The following RUVBL1 variants were observed in gnomAD, a reference collection of about 807,000 sequenced individuals.
The protein encoded by RUVBL1 is RuvB like AAA ATPase 1, also known as ruvB-like 1.
Under a neutral mutation model 52.4 loss-of-function variants are expected in RUVBL1, and 4 were observed. The observed-to-expected ratio is 0.08, with a 90% CI of 0.04 to 0.17. The LOEUF is 0.17. Among genes scored for constraint, RUVBL1 ranks in the 10% least tolerant of loss-of-function variants. The pLI is 1.00. For missense variants in RUVBL1, 298 were observed against 572.8 expected (o/e 0.52, Z 4.90); for synonymous variants, 217 against 214.4 (o/e 1.01, Z -0.10).
intron 8 of RUVBL1, among the ~76,000 whole-genome samples, chr3:128,093,190 A>G (rs905024811): frequency 2.0e-5 from 3 of 152,242 alleles, no homozygotes; most frequent in African/African-American, 7.2e-5. Context: ...AGAAATAAGT[A>G]CTACGCATGC....
downstream of RUVBL1, among the ~76,000 whole-genome samples, chr3:128,079,315 G>A (rs530199947): frequency 2.0e-5 from 3 of 152,334 alleles, no homozygotes; most frequent in South Asian, 4.1e-4. Context: ...GAGGCAGTAT[G>A]GCCCCCAGGA....
chr3:128,133,146 G>C (rs1279490330), intron 1 of RUVBL1, among the ~76,000 whole-genome samples: 1 of 152,202 alleles, frequency 6.6e-6, no homozygotes, highest in Non-Finnish European at 1.5e-5. Context: ...CACAGGGAGA[G>C]TTCTTCTGCA....
intron 1 of RUVBL1, 78 bp downstream of exon 1, chr3:128,123,506 C>T (rs115964618): frequency 1.6e-5 from 23 of 1,412,264 alleles, no homozygotes; most frequent in Non-Finnish European, 2.0e-5. Flanking sequence ...CATCCCGCCC[C>T]GAGCCACCGA....
chr3:128,131,512 A>AAAAC (rs71153122), intron 1 of RUVBL1, among the ~76,000 whole-genome samples: 23,358 of 151,954 alleles, frequency 0.15, 2,137 homozygotes, highest in African/African-American at 0.26. Flanking sequence ...CAAACACTGT[A>AAAAC]AAACAAACCA....
Position 128,123,737 on chromosome 3 carries a change from G to T in RUVBL1, c.-13C>A. 1 of 1,593,938 alleles carries T rather than the reference G, an allele frequency of 6.3e-7. No individual in the cohort carries two copies. ...CCTCAATCTTCATTTTGCAGACGCC[G>T]GGAGCTAAAACCAGCGTGGAAAACC... On this transcript the variant is annotated 5_prime_UTR_variant, in exon 1 of 11. Coordinates refer to ENST00000322623, the MANE Select transcript of RUVBL1 (RefSeq NM_003707.3).
chr3:128,144,700 G>C (rs1157095782), intron 1 of RUVBL1, among the ~76,000 whole-genome samples: 1 of 152,236 alleles, frequency 6.6e-6, no homozygotes, highest in Non-Finnish European at 1.5e-5. Flanking sequence ...AAGAGCTCTG[G>C]AGCACCTGCC....
chr3:128,119,489 C>G (rs1943596152), intron 1 of RUVBL1, 75 bp from the exon 2 acceptor site: 1 of 1,219,830 alleles, frequency 8.2e-7, no homozygotes, highest in Admixed American at 1.9e-5. Context: ...CAGTCCCTGG[C>G]CTACACAAGT....
intron 6 of RUVBL1, among the ~76,000 whole-genome samples, chr3:128,099,622 C>A (rs1943068819): frequency 6.6e-6 from 1 of 152,162 alleles, no homozygotes; most frequent in Non-Finnish European, 1.5e-5. Context: ...GTGCAGTCAG[C>A]AAGAGGAAGA....
chr3:128,069,109 G>A lies in RUVBL1; in HGVS notation c.940-3889C>T, dbSNP rs527903591. 1.9e-3 allele frequency among the ~76,000 whole-genome samples: 293 copies of A among 152,268 alleles called. 4 individuals are homozygous for A. Among genetic ancestry groups the A allele is most frequent in the African/African-American group, 6.6e-3 (275 of 41,536 alleles). On this transcript the variant is annotated intron_variant, in intron 9 of 9. Transcript: ENST00000464873. ...AGAAGTCACATTAAAAAAGTAAAAA[G>A]AAACAGGTGAAATTAAATTTAATAT...
At chr3:128,083,537 G>A (rs1441487080) in intron 9 of RUVBL1, 1 of 152,326 alleles carries the variant, frequency 6.6e-6, no homozygotes, top group Admixed American at 6.5e-5. Context: ...GCTGCAGGGG[G>A]AGCCCAGTCT....
intron 1 of RUVBL1, among the ~76,000 whole-genome samples, chr3:128,129,948 C>T (rs889841167): frequency 6.6e-6 from 1 of 152,072 alleles, no homozygotes; most frequent in Admixed American, 6.5e-5. Context: ...GTGATGGTTG[C>T]ACAACAATGT....
chr3:128,090,527 A>C (rs1055985741), intron 8 of RUVBL1, among the ~76,000 whole-genome samples: 10 of 152,256 alleles, frequency 6.6e-5, no homozygotes, highest in African/African-American at 2.4e-4. Flanking sequence ...TCAAAACAAA[A>C]AAAAATTAAA....
At position 128,082,775 on chromosome 3, in the gene RUVBL1, T is replaced by G; in HGVS notation, c.1120-201A>C. On this transcript the variant is annotated intron_variant, in intron 9 of 10. Coordinates refer to ENST00000322623, the MANE Select transcript of RUVBL1 (RefSeq NM_003707.3). The surrounding 1 kb of genome is among the most constrained non-coding windows in gnomAD (Gnocchi z 4.7). Reference sequence around the variant, plus strand: ...AGGAGGCATGTGCGGCCCTGCAGTATGCATGAATAGCATCACGGCCAGTGT... The same window carrying G: ...AGGAGGCATGTGCGGCCCTGCAGTAGGCATGAATAGCATCACGGCCAGTGT... 1 of 516,896 alleles carries G rather than the reference T, an allele frequency of 1.9e-6. No individual in the cohort carries two copies. Among genetic ancestry groups the G allele is most frequent in the Non-Finnish European group, 3.5e-6 (1 of 286,714 alleles). The allele number at this position is 516,896 out of a possible 1,614,324, so 32.0% of individuals were successfully genotyped here.
rs375970015 is a variant in RUVBL1 at position 128,081,452 on chromosome 3, C to G, written c.1212-43G>C. Reference sequence around the variant, plus strand: ...CAGGGCTGGAGTGAAACTGGGGCCACCGAAGAAAGCACCTTCCCCCCACAT... The same window carrying G: ...CAGGGCTGGAGTGAAACTGGGGCCAGCGAAGAAAGCACCTTCCCCCCACAT... On this transcript the variant is annotated intron_variant, in intron 10 of 10. Transcript: ENST00000322623. This position sits in a 1 kb window ranked among gnomAD's most constrained non-coding sequence, Gnocchi z 4.8. 2.3e-5 allele frequency: 36 copies of G among 1,578,282 alleles called. No individual in the cohort carries two copies. Among genetic ancestry groups the G allele is most frequent in the Non-Finnish European group, 3.0e-5 (35 of 1,156,876 alleles).
chr3:128,146,520 C>CTG (rs1234419587), intron 1 of RUVBL1, among the ~76,000 whole-genome samples: 2 of 128,478 alleles, frequency 1.6e-5, no homozygotes, highest in Non-Finnish European at 3.3e-5. Context: ...GTGCGTGCAT[C>CTG]TGTGTGTGTG....
At position 128,102,639 on chromosome 3, in the gene RUVBL1, A is replaced by C. The variant is rs565490779; in HGVS notation, c.514-991T>G. Among the ~76,000 whole-genome samples the C allele has an allele frequency of 1.2e-4, 18 of 152,388 alleles. No homozygotes were observed. The South Asian group carries it at 3.5e-3, about 30-fold the overall frequency. ...CCATTTATATGAAATGTCCAAAAGA[A>C]GGCAACCGAAAGTAGATTAGTAGTT... On this transcript the variant is annotated intron_variant, in intron 4 of 10. Coordinates refer to ENST00000322623, the MANE Select transcript of RUVBL1 (RefSeq NM_003707.3).
chr3:128,143,093 C>G (rs1164065311), intron 1 of RUVBL1, among the ~76,000 whole-genome samples: 1 of 151,078 alleles, frequency 6.6e-6, no homozygotes, highest in East Asian at 2.0e-4. Flanking sequence ...TCCTGCCACT[C>G]TCTTATAAGG....
chr3:128,136,534 G>A (rs781097398), intron 1 of RUVBL1, among the ~76,000 whole-genome samples: 13 of 150,350 alleles, frequency 8.6e-5, no homozygotes, highest in Admixed American at 1.3e-4. Context: ...GCTCAGGTGG[G>A]AGGAACACTT....
At chr3:128,140,655 G>A (rs537009568) in intron 1 of RUVBL1, among the ~76,000 whole-genome samples, 2 of 152,142 alleles carry the variant, frequency 1.3e-5, no homozygotes, top group Non-Finnish European at 2.9e-5. Context: ...ATACCGTCAT[G>A]TGTCCCATAG....
Sources: allele counts gnomAD v4.1 joint callset (sites outside exome capture counted in the v4.1 genomes callset), GRCh38; gene constraint gnomAD v4.1.1; non-coding constraint Gnocchi (gnomAD v3.1); transcripts MANE v1.5; gene names NCBI Gene and HGNC (gene_info 2026-07-23, HGNC 2026-07-21).